HNRNPC: variants seen among roughly 807,000 people sequenced by gnomAD.
The protein encoded by HNRNPC is heterogeneous nuclear ribonucleoproteins C1/C2.
Under a neutral mutation model 33.2 loss-of-function variants are expected in HNRNPC, and 3 were observed. That is an observed-to-expected ratio of 0.09 (90% CI 0.04 to 0.23). HNRNPC has a LOEUF of 0.23. HNRNPC is among the 10% of genes least tolerant of loss of function. The pLI, the probability that HNRNPC is intolerant of heterozygous loss-of-function variation, is 1.00. For synonymous variants in HNRNPC, 121 were observed against 126.7 expected (o/e 0.96, Z 0.30); for missense variants, 143 against 366.7 (o/e 0.39, Z 4.98).
At chr14:21,218,578 C>T (rs1271904427) in intron 5 of HNRNPC, among the ~76,000 whole-genome samples, 1 of 146,204 alleles carries the variant, frequency 6.8e-6, no homozygotes, top group Non-Finnish European at 1.5e-5. Context: ...GTCCCAGCTA[C>T]TCAGGAGGCT....
chr14:21,239,172 A>C (rs1895063137), intron 2 of HNRNPC, among the ~76,000 whole-genome samples: 1 of 152,212 alleles, frequency 6.6e-6, no homozygotes, highest in African/African-American at 2.4e-5. Context: ...CATTATTTGT[A>C]AATCAGAAGG....
intron 5 of HNRNPC, among the ~76,000 whole-genome samples, chr14:21,213,897 T>C (rs1053557671): frequency 2.0e-5 from 3 of 152,224 alleles, no homozygotes; most frequent in African/African-American, 7.2e-5. Context: ...GCTCAACTAA[T>C]TGCTGTTTCT....
At chr14:21,226,239 G>A (rs747542241) in intron 5 of HNRNPC, among the ~76,000 whole-genome samples, 29 of 149,628 alleles carry the variant, frequency 1.9e-4, no homozygotes, top group Admixed American at 2.0e-4. Context: ...GGAGAATCTC[G>A]AGAACCTGGG....
chr14:21,232,810 AG>A (rs1386257612), intron 3 of HNRNPC, among the ~76,000 whole-genome samples: 1 of 152,130 alleles, frequency 6.6e-6, no homozygotes, highest in African/African-American at 2.4e-5. Flanking sequence ...CCAAAGCGGG[AG>A]GATCACCTGA....
rs184215107 is a variant in HNRNPC at position 21,235,091 on chromosome 14, T to C, written c.-36-862A>G. 5.3e-5 allele frequency among the ~76,000 whole-genome samples: 8 copies of C among 152,324 alleles called. 1 individual carries two copies. The East Asian group carries it at 1.5e-3, about 29-fold the overall frequency. On this transcript the variant is annotated intron_variant, in intron 2 of 8. Coordinates refer to ENST00000553300, the MANE Select transcript of HNRNPC (RefSeq NM_004500.4). ...ACCAAAAATTATCTGTCTTTATGTA[T>C]GTGATGGAGGCTCAATCCTACCATA...
At chr14:21,213,246 AGGCCAGC>A in intron 5 of HNRNPC, 129 bp from the exon 6 acceptor site, 1 of 978,596 alleles carries the variant, frequency 1.0e-6, no homozygotes, top group Non-Finnish European at 1.5e-6. Context: ...TTCATTAAGA[AGGCCAGC>A]AAAAACCTCC....
intron 5 of HNRNPC, among the ~76,000 whole-genome samples, chr14:21,226,119 G>A (rs1171541908): frequency 6.6e-6 from 1 of 151,934 alleles, no homozygotes; most frequent in Non-Finnish European, 1.5e-5. Context: ...TGAGGAGTTT[G>A]AGACCAGTCT....
intron 2 of HNRNPC, among the ~76,000 whole-genome samples, chr14:21,251,799 T>C (rs894304976): frequency 2.0e-5 from 3 of 152,234 alleles, no homozygotes; most frequent in South Asian, 2.1e-4. Flanking sequence ...CAGGAATACA[T>C]ATAAATTTTC....
intron 2 of HNRNPC, chr14:21,254,498 G>C (rs922938491): frequency 2.0e-5 from 3 of 152,172 alleles, no homozygotes; most frequent in African/African-American, 7.2e-5. Context: ...AATGTTCTAT[G>C]AGCATGTATT....
intron 5 of HNRNPC, among the ~76,000 whole-genome samples, chr14:21,228,942 G>A (rs1893785137): frequency 6.6e-6 from 1 of 151,474 alleles, no homozygotes; most frequent in African/African-American, 2.4e-5. Flanking sequence ...AAAATTAGCC[G>A]GGAGTGGTGG....
At chr14:21,247,345 C>A (rs1009231610) in intron 2 of HNRNPC, among the ~76,000 whole-genome samples, 1 of 152,166 alleles carries the variant, frequency 6.6e-6, no homozygotes, top group African/African-American at 2.4e-5. Flanking sequence ...AATTATGTAT[C>A]CTTCACTGAT....
intron 1 of HNRNPC, among the ~76,000 whole-genome samples, chr14:21,267,125 A>ACTGCTTTT (rs1879152876): frequency 7.1e-6 from 1 of 141,446 alleles, no homozygotes; most frequent in African/African-American, 2.6e-5. Context: ...AAAAAAAAAA[A>ACTGCTTTT]AACAAAACTG....
intron 1 of HNRNPC, chr14:21,264,568 G>A (rs572616417): frequency 6.6e-6 from 1 of 152,068 alleles, no homozygotes; most frequent in Non-Finnish European, 1.5e-5. Flanking sequence ...TAAAAATCTG[G>A]TACATAATAC....
intron 2 of HNRNPC, among the ~76,000 whole-genome samples, chr14:21,252,125 G>A (rs1396864536): frequency 6.6e-6 from 1 of 152,020 alleles, no homozygotes; most frequent in African/African-American, 2.4e-5. Flanking sequence ...CAACTCCTAA[G>A]AAAATTTCAA....
intron 5 of HNRNPC, among the ~76,000 whole-genome samples, chr14:21,230,098 C>G (rs78626856): frequency 6.6e-6 from 1 of 152,070 alleles, no homozygotes; most frequent in Admixed American, 6.6e-5. Context: ...TTAGTAGAAA[C>G]GGGTTTCACC....
chr14:21,247,157 G>A (rs1896070292), intron 2 of HNRNPC, among the ~76,000 whole-genome samples: 1 of 152,140 alleles, frequency 6.6e-6, no homozygotes, highest in Non-Finnish European at 1.5e-5. Context: ...ATTTATCAAT[G>A]TAATCCTAAC....
chr14:21,222,180 T>C (rs1227878446), intron 5 of HNRNPC, among the ~76,000 whole-genome samples: 1 of 151,416 alleles, frequency 6.6e-6, no homozygotes, highest in African/African-American at 2.4e-5. Context: ...AAAAGACAGA[T>C]ATGAATGTAA....
chr14:21,250,980 G>A (rs935455837), intron 2 of HNRNPC, among the ~76,000 whole-genome samples: 2 of 152,144 alleles, frequency 1.3e-5, no homozygotes, highest in African/African-American at 4.8e-5. Flanking sequence ...TTCCATTTCC[G>A]GCCGGGCGCG....
chr14:21,263,742 G>C (rs1878554861), intron 1 of HNRNPC: 1 of 152,130 alleles, frequency 6.6e-6, no homozygotes, highest in Non-Finnish European at 1.5e-5. Flanking sequence ...TTTTGGAATG[G>C]AATGTGTGTG....
Sources: gnomAD v4.1 joint callset for allele counts (sites outside exome capture counted in the v4.1 genomes callset) on GRCh38, gnomAD v4.1.1 for gene constraint, MANE v1.5 for transcripts, NCBI Gene and HGNC (gene_info 2026-07-23, HGNC 2026-07-21) for gene names.